CA1: variants seen among roughly 807,000 people sequenced by gnomAD.
CA1 encodes carbonate dehydratase I.
In CA1, 27 loss-of-function variants were observed where a neutral mutation model predicts 28.8. That is an observed-to-expected ratio of 0.94 (90% CI 0.69 to 1.29). The LOEUF (loss-of-function observed/expected upper bound fraction) is 1.29. Among genes scored for constraint, CA1 ranks in the 50% most tolerant of loss-of-function variants. The pLI is 0.00. For missense variants in CA1, 335 were observed against 310.5 expected (o/e 1.08, Z -0.59); for synonymous variants, 121 against 108.8 (o/e 1.11, Z -0.70).
At chr8:85,370,102 A>C (rs1203960574) in intron 1 of CA1, among the ~76,000 whole-genome samples, 2 of 152,246 alleles carry the variant, frequency 1.3e-5, no homozygotes, top group African/African-American at 4.8e-5. Flanking sequence ...ATTAAGGGCT[A>C]GATGGCACAG....
At position 85,344,189 on chromosome 8, in the gene CA1, TATATATTATACA is replaced by T. The variant is rs1475740386; in HGVS notation, c.-24-2542_-24-2531del. ...TTATATACTGTATATAATATATAAT[TATATATTATACA>T]GTATATAATATAATTATATTATATA... is the stretch of plus-strand genomic sequence containing the variant. On this transcript the variant is annotated intron_variant, in intron 1 of 7. Transcript: ENST00000523022. Among the ~76,000 whole-genome samples, 24 of 117,042 alleles carry T rather than the reference TATATATTATACA, an allele frequency of 2.1e-4. 1 individual carries two copies. Among genetic ancestry groups the T allele is most frequent in the African/African-American group, 9.7e-4 (22 of 22,588 alleles). The allele number at this position is 117,042 out of a possible 152,430, so 76.8% of individuals were successfully genotyped here.
At chr8:85,358,970 C>T (rs1809699764) in intron 1 of CA1, among the ~76,000 whole-genome samples, 1 of 152,210 alleles carries the variant, frequency 6.6e-6, no homozygotes, top group Admixed American at 6.5e-5. Flanking sequence ...AGTTGTCACT[C>T]TAAGCCACTG....
intron 3 of CA1, among the ~76,000 whole-genome samples, chr8:85,337,638 T>A (rs950054125): frequency 1.3e-5 from 2 of 152,174 alleles, no homozygotes; most frequent in Non-Finnish European, 2.9e-5. Context: ...TAAATGCATA[T>A]AATACCAGAC....
At chr8:85,374,590 A>G (rs1810342816) in intron 1 of CA1, among the ~76,000 whole-genome samples, 1 of 152,306 alleles carries the variant, frequency 6.6e-6, no homozygotes, top group South Asian at 2.1e-4. Context: ...TGTCTTAACT[A>G]GGTTTTCTGG....
chr8:85,340,197 C>G (rs956794688), intron 2 of CA1, among the ~76,000 whole-genome samples: 1 of 152,170 alleles, frequency 6.6e-6, no homozygotes, highest in South Asian at 2.1e-4. Context: ...CAGCCTGACT[C>G]TTTTGTTAGG....
chr8:85,354,151 T>A (rs1809517763), intron 1 of CA1, among the ~76,000 whole-genome samples: 1 of 151,422 alleles, frequency 6.6e-6, no homozygotes, highest in Non-Finnish European at 1.5e-5. Context: ...TTTTTTGTAT[T>A]TTTAGTAGGA....
intron 4 of CA1, among the ~76,000 whole-genome samples, chr8:85,334,190 C>G (rs1395833410): frequency 6.6e-6 from 1 of 152,170 alleles, no homozygotes; most frequent in Non-Finnish European, 1.5e-5. Flanking sequence ...ATAGATGTTT[C>G]AGACTTAATC....
chr8:85,359,956 C>A (rs557414740), intron 1 of CA1, among the ~76,000 whole-genome samples: 2 of 152,274 alleles, frequency 1.3e-5, no homozygotes, highest in East Asian at 1.9e-4. Flanking sequence ...AGACTAAAAC[C>A]ATGGAAAACA....
intron 1 of CA1, among the ~76,000 whole-genome samples, chr8:85,344,166 ATATACTGTATATAATATATAATTATATAT>A (rs1809040264): frequency 7.6e-6 from 1 of 132,270 alleles, no homozygotes; most frequent in Admixed American, 8.2e-5. Context: ...ACTGTATATT[ATATACTGTATATAATATATAATTATATAT>A]TATACAGTAT....
chr8:85,338,139 G>T, intron 3 of CA1, 113 bp downstream of exon 3: 3 of 980,604 alleles, frequency 3.1e-6, no homozygotes, highest in Non-Finnish European at 4.9e-6. Flanking sequence ...TTACAGCAAT[G>T]CTGCACACAA....
intron 1 of CA1, among the ~76,000 whole-genome samples, chr8:85,362,766 G>C (rs1356958627): frequency 6.6e-6 from 1 of 152,186 alleles, no homozygotes; most frequent in Admixed American, 6.5e-5. Context: ...TCAATTGGCT[G>C]TAGTTGATGT....
At chr8:85,372,331 C>T (rs893715398) in intron 1 of CA1, among the ~76,000 whole-genome samples, 1 of 152,032 alleles carries the variant, frequency 6.6e-6, no homozygotes, top group African/African-American at 2.4e-5. Flanking sequence ...CAAGTGTTGG[C>T]GATGATGTGG....
intron 1 of CA1, among the ~76,000 whole-genome samples, chr8:85,347,336 C>A (rs1458272082): frequency 6.6e-6 from 1 of 152,130 alleles, no homozygotes; most frequent in Non-Finnish European, 1.5e-5. Flanking sequence ...AGATGATCAA[C>A]AAATAAGCTC....
chr8:85,359,617 C>T (rs1235706510), intron 1 of CA1, among the ~76,000 whole-genome samples: 5 of 152,196 alleles, frequency 3.3e-5, no homozygotes, highest in Admixed American at 6.5e-5. Flanking sequence ...ATGGAAATGA[C>T]GTGAGACAGG....
intron 4 of CA1, among the ~76,000 whole-genome samples, chr8:85,334,944 C>T (rs933742727): frequency 5.9e-5 from 9 of 152,150 alleles, no homozygotes; most frequent in African/African-American, 2.2e-4. Flanking sequence ...AAGCCGAGAT[C>T]GTGCCTCTGG....
chr8:85,334,677 TC>T (rs1808569960), intron 4 of CA1, among the ~76,000 whole-genome samples: 1 of 151,700 alleles, frequency 6.6e-6, no homozygotes, highest in South Asian at 2.1e-4. Flanking sequence ...ATTTTTATTT[TC>T]CCTATCAAAT....
rs984662472 is a variant in CA1, at chr8:85,328,599, G to A, written c.747C>T (p.Thr249=). Residue 249 remains threonine (T), a synonymous_variant, in exon 8 of 8, where the codon ACC becomes ACT. Transcript: ENST00000523022. ...TCACTGTTCTGCCCTTCAGAGGTTG[G>A]GTTGGGCGGTTGTTGTGCTGCATGG... ...AVPMQHNNRP[T]QPLKGRTVRA... 1.2e-6 allele frequency: 2 copies of A among 1,611,522 alleles called. No individual in the cohort carries two copies. Among genetic ancestry groups the A allele is most frequent in the African/African-American group, 2.7e-5 (2 of 74,928 alleles).
In CA1 at chr8:85,334,209, A is replaced by G. The variant is rs183215113; in HGVS notation, c.355-589T>C. 5.9e-5 allele frequency among the ~76,000 whole-genome samples: 9 copies of G among 152,334 alleles called. No homozygotes were observed. The East Asian group carries it at 1.7e-3, about 29-fold the overall frequency. ...ATGTTTCAGACTTAATCTGGCCAAA[A>G]TAGAACTCTAGATTTCCTTCTTGCC... is the stretch of plus-strand genomic sequence containing the variant. On this transcript the variant is annotated intron_variant, in intron 4 of 7. Coordinates refer to ENST00000523022, the MANE Select transcript of CA1 (RefSeq NM_001128831.4).
In CA1 at chr8:85,328,607, GGTT is replaced by G. The variant is rs1564016434; in HGVS notation, c.736_738del (p.Asn246del). ...CTGCCCTTCAGAGGTTGGGTTGGGCGGTTGTTGTGCTGCATGGGGACAGCGTTA... is the reference window on the plus strand; with the variant it reads ...CTGCCCTTCAGAGGTTGGGTTGGGCGGTTGTGCTGCATGGGGACAGCGTTA... On this transcript the variant is annotated inframe_deletion, in exon 8 of 8. Coordinates refer to ENST00000523022, the MANE Select transcript of CA1 (RefSeq NM_001128831.4). The G allele has an allele frequency of 1.9e-6, 3 of 1,611,950 alleles. No homozygotes were observed. In the South Asian group the frequency reaches 3.3e-5, roughly 18 times the overall value.
Sources: allele counts gnomAD v4.1 joint callset (sites outside exome capture counted in the v4.1 genomes callset), GRCh38; gene constraint gnomAD v4.1.1; transcripts MANE v1.5; gene names NCBI Gene and HGNC (gene_info 2026-07-23, HGNC 2026-07-21).